The following FYB2 variants were observed in gnomAD, a reference collection of about 807,000 sequenced individuals.
FYB2 encodes FYN-binding protein 2.
A neutral mutation model predicts 94.1 loss-of-function variants in FYB2; 103 were observed. That is an observed-to-expected ratio of 1.09 (90% CI 0.93 to 1.29). The LOEUF is 1.29. Among genes scored for constraint, FYB2 ranks in the 50% most tolerant of loss-of-function variants. FYB2 has a pLI of 0.00. For missense variants in FYB2, 896 were observed against 841.5 expected (o/e 1.06, Z -0.80); for synonymous variants, 293 against 287.9 (o/e 1.02, Z -0.18).
rs376729871 is a variant in FYB2, at chr1:56,742,837, TG to T, written c.1544-617del. ...TTTAAAATGAGTGTACTGGGTTTAATGATATTTAAGGTTGTTTTTCCCTCTA... is the reference window on the plus strand; with the variant it reads ...TTTAAAATGAGTGTACTGGGTTTAATATATTTAAGGTTGTTTTTCCCTCTA... On this transcript the variant is annotated intron_variant, in intron 11 of 19. Coordinates refer to ENST00000343433, the MANE Select transcript of FYB2 (RefSeq NM_001004303.5). Among the ~76,000 whole-genome samples, 51 of 152,202 alleles carry T rather than the reference TG, an allele frequency of 3.4e-4. 2 individuals carry two copies. The highest frequency in any genetic ancestry group is 1.2e-3 in the African/African-American group (49 of 41,552).
chr1:56,754,390 A>G (rs1163369229), intron 7 of FYB2, among the ~76,000 whole-genome samples: 1 of 152,012 alleles, frequency 6.6e-6, no homozygotes, highest in Non-Finnish European at 1.5e-5. Flanking sequence ...CCTTCATGAT[A>G]TAGCTAAATC....
intron 4 of FYB2, among the ~76,000 whole-genome samples, chr1:56,769,236 C>A (rs924141032): frequency 6.6e-6 from 1 of 151,992 alleles, no homozygotes; most frequent in Admixed American, 6.6e-5. Context: ...AAGGAAGCCT[C>A]GCCATATTGC....
chr1:56,786,517 C>T, intron 4 of FYB2, among the ~76,000 whole-genome samples: 1 of 152,098 alleles, frequency 6.6e-6, no homozygotes, highest in Non-Finnish European at 1.5e-5. Flanking sequence ...TTTTTGAGAA[C>T]AGGAACATCT....
intron 7 of FYB2, among the ~76,000 whole-genome samples, chr1:56,754,527 C>G (rs757462843): frequency 1.3e-5 from 2 of 152,118 alleles, no homozygotes; most frequent in Non-Finnish European, 2.9e-5. Flanking sequence ...AGTCCCTCCA[C>G]TTTGCCTTGT....
intron 1 of FYB2, among the ~76,000 whole-genome samples, chr1:56,813,011 G>C (rs1444044699): frequency 6.6e-6 from 1 of 152,176 alleles, no homozygotes; most frequent in Non-Finnish European, 1.5e-5. Context: ...TTTTCTGAGG[G>C]TTGTTGGGGA....
Position 56,793,605 on chromosome 1 carries a change from T to C in FYB2, c.10-802A>G, listed in dbSNP as rs371625927. ...GTGAAGGAACGAAGGGGCATAAAGT[T>C]TGAAAAATTACCTATTGGGTACTAT... On this transcript the variant is annotated intron_variant, in intron 1 of 19. Transcript: ENST00000343433. 3.9e-5 allele frequency among the ~76,000 whole-genome samples: 6 copies of C among 152,192 alleles called. No homozygotes were observed. In the South Asian group the frequency reaches 8.3e-4, roughly 21 times the overall value.
At chr1:56,823,076 C>A (rs960924393), upstream of FYB2, among the ~76,000 whole-genome samples, 1 of 152,070 alleles carries the variant, frequency 6.6e-6, no homozygotes, top group African/African-American at 2.4e-5. Context: ...GCAGGCTACA[C>A]AGTTGCATAT....
chr1:56,720,327 G>C lies in FYB2; in HGVS notation c.1977C>G (p.Tyr659Ter), dbSNP rs76493848. Residue 659 changes from tyrosine (Y) to a stop codon, truncating the protein, a stop_gained and splice_region_variant, in exon 18 of 20, where the codon TAC becomes TAG. Coordinates refer to ENST00000343433, the MANE Select transcript of FYB2 (RefSeq NM_001004303.5). LOFTEE classifies it high-confidence loss of function. The stretch of plus-strand genomic sequence containing the variant: ...TATTGATGACAATAATCTCTTTGTC[G>C]TACTGAAATGAGAAATTACTAATCA... The part of the protein sequence containing the change: ...EEKLFRERFK[Y>*]DKEIIVINTA... The C allele has an allele frequency of 1.1e-5, 18 of 1,592,010 alleles. 1 individual carries two copies. Among genetic ancestry groups the C allele is most frequent in the African/African-American group, 1.4e-5 (1 of 73,650 alleles).
rs190679808 is a variant in FYB2 at position 56,719,606 on chromosome 1, C to T, written c.*65G>A. On this transcript the variant is annotated 3_prime_UTR_variant, in exon 20 of 20. Coordinates refer to ENST00000343433, the MANE Select transcript of FYB2 (RefSeq NM_001004303.5). ...GACATGTAAACTGAAACTGATGTAA[C>T]GCAGGACTAGGATCTTAGGACTAGT... 244 of 1,405,208 alleles carry T rather than the reference C, an allele frequency of 1.7e-4. No individual in the cohort carries two copies. The highest frequency in any genetic ancestry group is 1.2e-4 in the Non-Finnish European group (122 of 1,027,548). The allele number at this position is 1,405,208 out of a possible 1,614,324, so 87.0% of individuals were successfully genotyped here.
intron 1 of FYB2, among the ~76,000 whole-genome samples, chr1:56,799,404 A>AT (rs1646470412): frequency 6.6e-6 from 1 of 152,182 alleles, no homozygotes; most frequent in Non-Finnish European, 1.5e-5. Flanking sequence ...TAATCACACC[A>AT]TTGAAACAAA....
In FYB2 at chr1:56,751,211, T is replaced by C; in HGVS notation, c.1228-8A>G. 6.2e-7 allele frequency: 1 copy of C among 1,611,796 alleles called. No individual in the cohort carries two copies. Among genetic ancestry groups the C allele is most frequent in the Non-Finnish European group, 8.5e-7 (1 of 1,178,706 alleles). ...CCCTTCACAGGCATCTACCTAAACATATGCAAAAGGGAGAATACTGTAGGG... is the reference window on the plus strand; with the variant it reads ...CCCTTCACAGGCATCTACCTAAACACATGCAAAAGGGAGAATACTGTAGGG... On this transcript the variant is annotated splice_region_variant and splice_polypyrimidine_tract_variant and intron_variant, in intron 8 of 19. Transcript: ENST00000343433.
chr1:56,789,085 C>A lies in FYB2; in HGVS notation c.807G>T (p.Leu269Phe). Residue 269 changes from leucine (L) to phenylalanine (F), a missense_variant, in exon 3 of 20, where the codon TTG becomes TTT. Transcript: ENST00000343433. The part of the protein sequence containing the change: ...RHHHLPKTKP[L>F]PSIDSLGPPP... ...GAGGACCCAGGGAGTCGATGGAGGG[C>A]AATGGCTTTGTTTTGGGAAGGTGGT... 1.2e-6 allele frequency: 2 copies of A among 1,611,608 alleles called. No individual in the cohort carries two copies. Among genetic ancestry groups the A allele is most frequent in the Non-Finnish European group, 1.7e-6 (2 of 1,178,848 alleles).
At chr1:56,757,689 T>TCCTTCCTTCCTTCCTTCCTTCCTTC (rs1557616891) in intron 6 of FYB2, among the ~76,000 whole-genome samples, 1 of 56,860 alleles carries the variant, frequency 1.8e-5, no homozygotes, top group Admixed American at 1.9e-4. Flanking sequence ...CTTCCTTCCT[T>TCCTTCCTTCCTTCCTTCCTTCCTTC]CTTTCTTTCT....
At chr1:56,751,359 A>G (rs1483607594) in intron 8 of FYB2, among the ~76,000 whole-genome samples, 156 bp from the exon 9 acceptor site, 1 of 152,036 alleles carries the variant, frequency 6.6e-6, no homozygotes, top group Admixed American at 6.6e-5. Flanking sequence ...AAGTTTCCTG[A>G]AGGTGCATAC....
In FYB2 at chr1:56,719,434, A is replaced by C. The variant is rs962544008; in HGVS notation, c.*237T>G. 19 of 463,948 alleles carry C rather than the reference A, an allele frequency of 4.1e-5. No homozygotes were observed. The highest frequency in any genetic ancestry group is 3.8e-4 in the African/African-American group (19 of 49,954). 28.7% of individuals were successfully genotyped at this position (463,948 alleles called of 1,614,324 possible). A position where few individuals can be genotyped will look rare whatever the true frequency, so the allele number is the denominator to read the frequency against. On this transcript the variant is annotated 3_prime_UTR_variant, in exon 20 of 20. Coordinates refer to ENST00000343433, the MANE Select transcript of FYB2 (RefSeq NM_001004303.5). The stretch of plus-strand genomic sequence containing the variant: ...CACATACTGTTTCACATTCTCTTGA[A>C]CTGACAGTGAAGTAGATACTGAAAT...
In FYB2 at chr1:56,788,967, C is replaced by T; in HGVS notation, c.919+6G>A. ...GCCTTGTGTAGGGCCCTGTGCATTT[C>T]CTTACCTTCCCCCTGAGTCTTGGGA... On this transcript the variant is annotated splice_donor_region_variant and intron_variant, in intron 3 of 19. Coordinates refer to ENST00000343433, the MANE Select transcript of FYB2 (RefSeq NM_001004303.5). 5.0e-6 allele frequency: 8 copies of T among 1,614,002 alleles called. No individual in the cohort carries two copies. The highest frequency in any genetic ancestry group is 6.8e-6 in the Non-Finnish European group (8 of 1,179,936).
chr1:56,818,900 G>A (rs957979712), intron 1 of FYB2, among the ~76,000 whole-genome samples: 2 of 152,106 alleles, frequency 1.3e-5, no homozygotes, highest in South Asian at 2.1e-4. Flanking sequence ...CAGGAGGCCC[G>A]CTAATCACTG....
Position 56,719,677 on chromosome 1 carries a change from T to C in FYB2, c.2181A>G (p.Ser727=), listed in dbSNP as rs201872334. The part of the protein sequence containing the change: ...EHLDFKHQSW[S]P ...GCATTTGATCTTGATTTTTCTAAGG[T>C]GACCAACTTTGATGCCTGTGAAAAA... The change falls in exon 20 of 20, where the codon TCA becomes TCG. Residue 727 remains serine (S), a synonymous_variant. Transcript: ENST00000343433. The C allele has an allele frequency of 2.7e-4, 425 of 1,597,530 alleles. 2 individuals carry two copies. In the East Asian group the frequency reaches 9.5e-3, roughly 36 times the overall value.
intron 1 of FYB2, among the ~76,000 whole-genome samples, chr1:56,799,118 A>G (rs184759557): frequency 1.5e-3 from 234 of 152,268 alleles, no homozygotes; most frequent in African/African-American, 5.4e-3. Flanking sequence ...AACCCCACCA[A>G]TTAGGCGATT....
Sources: allele counts gnomAD v4.1 joint callset (sites outside exome capture counted in the v4.1 genomes callset), GRCh38; gene constraint gnomAD v4.1.1; transcripts MANE v1.5; gene names NCBI Gene and HGNC (gene_info 2026-07-23, HGNC 2026-07-21).